Variants in COL6A2 observed in about 807,000 individuals in gnomAD.
The protein encoded by COL6A2 is collagen alpha-2(VI) chain.
In COL6A2, 90 loss-of-function variants were observed where a neutral mutation model predicts 124.9. That is an observed-to-expected ratio of 0.72 (90% CI 0.61 to 0.86). COL6A2 has a LOEUF of 0.86. Ranked by LOEUF, COL6A2 falls within the 40% of genes least tolerant of loss-of-function variation. COL6A2 has a pLI of 0.00. For synonymous variants in COL6A2, 793 were observed against 618.2 expected, an observed-to-expected ratio of 1.28 and a Z score of -4.19; for missense variants, 1,607 against 1,502.5, an observed-to-expected ratio of 1.07 and a Z score of -1.15.
At position 46,116,831 on chromosome 21, in the gene COL6A2, G is replaced by T; in HGVS notation, c.999+17G>T. The T allele has an allele frequency of 6.2e-7, 1 of 1,612,604 alleles. No individual in the cohort carries two copies. The highest frequency in any genetic ancestry group is 8.5e-7 in the Non-Finnish European group (1 of 1,179,908). On this transcript the variant is annotated intron_variant, in intron 10 of 27. Coordinates refer to ENST00000300527, the MANE Select transcript of COL6A2 (RefSeq NM_001849.4). This position sits in a 1 kb window ranked among gnomAD's most constrained non-coding sequence, Gnocchi z 4.6. ...GGACAGAAGGTAGAGGGAGCCTCGG[G>T]CTCACAGCTGGACTGGTCTCACAGA...
chr21:46,118,662 GC>G lies in COL6A2; in HGVS notation c.1167del (p.Lys390ArgfsTer18). ...CAGAGGGCCCCCGGGAGAAATCGGG[GC>G]CAAGGGAAGCAAGGTGAGCCCCTCT... is the stretch of plus-strand genomic sequence containing the variant. ...GRRGPPGEIG[A>X]KGSKGYQGNS... On this transcript the variant is annotated frameshift_variant, in exon 13 of 28. Coordinates refer to ENST00000300527, the MANE Select transcript of COL6A2 (RefSeq NM_001849.4). LOFTEE classifies it high-confidence loss of function. The G allele has an allele frequency of 6.2e-7, 1 of 1,611,140 alleles. No individual in the cohort carries two copies. Among genetic ancestry groups the G allele is most frequent in the Non-Finnish European group, 8.5e-7 (1 of 1,179,456 alleles).
At chr21:46,125,037 G>A (rs1055491936) in intron 23 of COL6A2, 117 bp downstream of exon 23, 74 of 1,332,972 alleles carry the variant, frequency 5.6e-5, no homozygotes, top group Middle Eastern at 5.4e-4. Context: ...AGTGGAGGAG[G>A]TCAGAGGGCA....
chr21:46,125,337 G>A (rs763089032), intron 24 of COL6A2, 26 bp downstream of exon 24: 67 of 1,606,992 alleles, frequency 4.2e-5, no homozygotes, highest in African/African-American at 8.0e-5. Context: ...CGGCAGGGTC[G>A]GGGCCCATGC....
Position 46,124,940 on chromosome 21 carries a change from G to A in COL6A2, c.1770+20G>A, listed in dbSNP as rs1398469523. 6.2e-7 allele frequency: 1 copy of A among 1,612,690 alleles called. No homozygotes were observed. Among genetic ancestry groups the A allele is most frequent in the Non-Finnish European group, 8.5e-7 (1 of 1,179,926 alleles). On this transcript the variant is annotated intron_variant, in intron 23 of 27. Transcript: ENST00000300527. The stretch of plus-strand genomic sequence containing the variant: ...CTCACGGTAGGTGTCACATGGGGCA[G>A]AACCAGTGTCCTTCTCCTGCCAAAA...
Position 46,132,511 on chromosome 21 carries a change from C to G in COL6A2, c.3019C>G (p.Gln1007Glu), listed in dbSNP as rs1555877377. ...FHEKDYDSLA[Q>E]PGFFDRFIRW... ...CGAGAAGGACTATGACAGCCTGGCGCAACCCGGCTTCTTCGACCGCTTCAT... is the reference window on the plus strand; with the variant it reads ...CGAGAAGGACTATGACAGCCTGGCGGAACCCGGCTTCTTCGACCGCTTCAT... The change falls in exon 28 of 28, where the codon CAA (glutamine) becomes GAA (glutamate). Residue 1007 changes from glutamine to glutamate, a missense_variant. Physicochemically the swap from Gln to Glu is conservative, Grantham distance 29. This residue lies in a region of COL6A2 where 1,223 missense variants were observed against 1,052.2 expected (regional missense o/e 1.16). Coordinates refer to ENST00000300527, the MANE Select transcript of COL6A2 (RefSeq NM_001849.4). The G allele has an allele frequency of 6.2e-7, 1 of 1,607,144 alleles. No individual in the cohort carries two copies.
chr21:46,119,866 G>A lies in COL6A2; in HGVS notation c.1332+16G>A, dbSNP rs781733595. ...GGGGGAGAAGGTGAGTCCTCGTGTG[G>A]AGGCAGCCCAGGGTCTCACTGTGGT... On this transcript the variant is annotated intron_variant, in intron 15 of 27. Transcript: ENST00000300527. 6.4e-7 allele frequency: 1 copy of A among 1,553,664 alleles called. No homozygotes were observed. The highest frequency in any genetic ancestry group is 1.4e-5 in the African/African-American group (1 of 73,674).
At chr21:46,125,676 A>AG in intron 25 of COL6A2, 59 bp downstream of exon 25, 1 of 1,591,144 alleles carries the variant, frequency 6.3e-7, no homozygotes, top group Non-Finnish European at 8.6e-7. Flanking sequence ...GTGGGAGGCG[A>AG]TGAGATGGGA....
intron 1 of COL6A2, among the ~76,000 whole-genome samples, chr21:46,108,108 T>A (rs186174214): frequency 0.089 from 11,674 of 131,422 alleles, 885 homozygotes; most frequent in African/African-American, 0.23. Flanking sequence ...ATATATATAT[T>A]TTTTTTTCTC....
intron 27 of COL6A2, chr21:46,129,068 T>G (rs1335654951): frequency 6.3e-7 from 1 of 1,599,566 alleles, no homozygotes; most frequent in Non-Finnish European, 8.5e-7. Context: ...CCACCTGCAT[T>G]TCCTCTACCG....
chr21:46,131,476 C>G (rs781399204), intron 27 of COL6A2, among the ~76,000 whole-genome samples: 3 of 152,228 alleles, frequency 2.0e-5, no homozygotes, highest in Non-Finnish European at 4.4e-5. Flanking sequence ...CCGGGAGGGA[C>G]GTGGCCCAGC....
intron 21 of COL6A2, among the ~76,000 whole-genome samples, chr21:46,124,267 G>A (rs570085060): frequency 2.6e-5 from 4 of 151,788 alleles, no homozygotes; most frequent in Non-Finnish European, 5.9e-5. Context: ...GTTAGTGGGT[G>A]GCTGGGTGGA....
Position 46,117,511 on chromosome 21 carries a change from C to T in COL6A2, c.1053+58C>T, listed in dbSNP as rs57870436. ...GGCCCAGGGGGTGTGGGTGCCTGACCGGGTGGGAGGGTAGTTGCTGCTGCA... is the reference window on the plus strand; with the variant it reads ...GGCCCAGGGGGTGTGGGTGCCTGACTGGGTGGGAGGGTAGTTGCTGCTGCA... On this transcript the variant is annotated intron_variant, in intron 11 of 27. Coordinates refer to ENST00000300527, the MANE Select transcript of COL6A2 (RefSeq NM_001849.4). The T allele has an allele frequency of 8.8e-3, 13,739 of 1,554,580 alleles. 1,017 individuals are homozygous for T. The African/African-American group carries it at 0.16, about 18-fold the overall frequency.
At chr21:46,131,144 T>TCCCCC (rs1023086132) in intron 27 of COL6A2, among the ~76,000 whole-genome samples, 1 of 152,044 alleles carries the variant, frequency 6.6e-6, no homozygotes, top group Non-Finnish European at 1.5e-5. Context: ...GTCCCTCCCC[T>TCCCCC]CCCCCATCCC....
At chr21:46,122,258 G>A (rs1181723776) in intron 19 of COL6A2, 100 bp downstream of exon 19, 8 of 1,414,022 alleles carry the variant, frequency 5.7e-6, no homozygotes, top group Non-Finnish European at 6.9e-6. Flanking sequence ...CCTCTGTGCA[G>A]AAGAAAGTGT....
chr21:46,119,817 C>A lies in COL6A2; in HGVS notation c.1299C>A (p.Gly433=), dbSNP rs1314588216. 3 of 1,563,982 alleles carry A rather than the reference C, an allele frequency of 1.9e-6. No homozygotes were observed. The highest frequency in any genetic ancestry group is 2.3e-5 in the South Asian group (2 of 85,110). ...PGRRGDPGTK[G]SPGSDGPKGE... ...GCAGGGGAGACCCCGGCACCAAGGG[C>A]AGCCCAGGCAGCGATGGCCCCAAGG... The change falls in exon 15 of 28, where the codon GGC becomes GGA. Residue 433 remains glycine (G), a synonymous_variant. Coordinates refer to ENST00000300527, the MANE Select transcript of COL6A2 (RefSeq NM_001849.4).
chr21:46,126,371 G>T, intron 26 of COL6A2, 132 bp from the exon 27 acceptor site: 2 of 1,515,328 alleles, frequency 1.3e-6, no homozygotes, highest in Non-Finnish European at 1.8e-6. Flanking sequence ...GTGGGAAGGG[G>T]TCGGGCCCTC....
chr21:46,129,652 C>G (rs370464966), intron 27 of COL6A2: 1 of 1,425,020 alleles, frequency 7.0e-7, no homozygotes, highest in Non-Finnish European at 9.1e-7. Context: ...CAGCCTCTTC[C>G]CATGCTGGTG....
At position 46,114,034 on chromosome 21, in the gene COL6A2, C is replaced by T; in HGVS notation, c.762C>T (p.Ile254=). 1 of 1,613,858 alleles carries T rather than the reference C, an allele frequency of 6.2e-7. No individual in the cohort carries two copies. The highest frequency in any genetic ancestry group is 8.5e-7 in the Non-Finnish European group (1 of 1,179,972). ...GECYKVSCLE[I]PGPSGPKGYR... is the part of the protein sequence containing the mutation. ...GCTACAAGGTGAGCTGCCTGGAAAT[C>T]CCTGGGCCCTCTGGCCCCAAGGGCT... The change falls in exon 5 of 28, where the codon ATC becomes ATT. Residue 254 remains isoleucine, a synonymous_variant. Coordinates refer to ENST00000300527, the MANE Select transcript of COL6A2 (RefSeq NM_001849.4).
intron 1 of COL6A2, among the ~76,000 whole-genome samples, chr21:46,101,847 A>ATTTTTTTT (rs56083556): frequency 1.4e-5 from 1 of 71,512 alleles, no homozygotes; most frequent in Non-Finnish European, 2.5e-5. Context: ...ATCTTTCACG[A>ATTTTTTTT]TTTTTTTTTT....
Sources: gnomAD v4.1 joint callset for allele counts (sites outside exome capture counted in the v4.1 genomes callset) on GRCh38, gnomAD v4.1.1 for gene constraint, gnomAD v4.1.1 regional missense constraint, Gnocchi (gnomAD v3.1) non-coding constraint, MANE v1.5 for transcripts, NCBI Gene and HGNC (gene_info 2026-07-23, HGNC 2026-07-21) for gene names.